ZNF516: variants seen among roughly 807,000 people sequenced by gnomAD.
ZNF516 encodes the protein zinc finger protein 516.
A neutral mutation model predicts 79.7 loss-of-function variants in ZNF516; 19 were observed. The ratio of observed to expected loss-of-function variants is 0.24; its 90% CI spans 0.17 to 0.35. The LOEUF is 0.35. Ranked by LOEUF, ZNF516 falls within the 10% of genes least tolerant of loss-of-function variation. The probability of loss-of-function intolerance (pLI) is 1.00; values close to 1 mark genes in which losing one functional copy is unlikely to be tolerated. For missense variants in ZNF516, 1,678 were observed against 1,679.5 expected, an observed-to-expected ratio of 1.00 and a Z score of 0.02; for synonymous variants, 877 against 739.5, an observed-to-expected ratio of 1.19 and a Z score of -3.02.
chr18:76,452,819 G>A (rs1296223762), intron 2 of ZNF516, among the ~76,000 whole-genome samples: 1 of 152,126 alleles, frequency 6.6e-6, no homozygotes, highest in East Asian at 1.9e-4. Flanking sequence ...ATCTAATTAT[G>A]GATTACATTC....
rs376206155 is a variant in ZNF516, at chr18:76,480,492, C to T, written c.-272+14652G>A. The stretch of plus-strand genomic sequence containing the variant: ...ATATATATACACACACACATATACA[C>T]ATACACACACACACACACACACACA... On this transcript the variant is annotated intron_variant, in intron 1 of 6. Transcript: ENST00000443185. Among the ~76,000 whole-genome samples the T allele has an allele frequency of 7.8e-3, 883 of 112,858 alleles. 7 individuals are homozygous for T. Among genetic ancestry groups the T allele is most frequent in the Middle Eastern group, 0.054 (11 of 204 alleles). The allele number at this position is 112,858 out of a possible 152,430, so 74.0% of individuals were successfully genotyped here. A position where few individuals can be genotyped will look rare whatever the true frequency, so the allele number is the denominator to read the frequency against.
chr18:76,430,335 G>A (rs553967932), intron 3 of ZNF516, among the ~76,000 whole-genome samples: 11 of 152,204 alleles, frequency 7.2e-5, no homozygotes, highest in African/African-American at 1.4e-4. Flanking sequence ...CATGAGTCAC[G>A]TAGTAATCAA....
At chr18:76,450,709 G>A (rs143260010) in intron 2 of ZNF516, among the ~76,000 whole-genome samples, 67 of 152,236 alleles carry the variant, frequency 4.4e-4, no homozygotes, top group African/African-American at 1.5e-3. Context: ...AATCAGCAAC[G>A]CGGTGCAGGT....
chr18:76,371,434 C>T, intron 5 of ZNF516, 33 bp downstream of exon 5: 1 of 1,580,360 alleles, frequency 6.3e-7, no homozygotes, highest in Non-Finnish European at 8.6e-7. Context: ...TTCCTCTGCT[C>T]CCCTTGGGGA....
chr18:76,400,274 T>C (rs888868968), intron 3 of ZNF516, among the ~76,000 whole-genome samples: 4 of 152,176 alleles, frequency 2.6e-5, no homozygotes, highest in African/African-American at 4.8e-5. Context: ...AGGCTCACGG[T>C]GTTCACGACA....
chr18:76,406,017 C>T (rs909704727), intron 3 of ZNF516, among the ~76,000 whole-genome samples: 1 of 152,138 alleles, frequency 6.6e-6, no homozygotes, highest in Non-Finnish European at 1.5e-5. Flanking sequence ...ACACGGGAGG[C>T]GTGCTCAAGC....
At chr18:76,383,179 T>C (rs1002129655) in intron 3 of ZNF516, among the ~76,000 whole-genome samples, 2 of 151,834 alleles carry the variant, frequency 1.3e-5, no homozygotes, top group African/African-American at 4.8e-5. Flanking sequence ...GAGAGAAGCA[T>C]GACCACGAGT....
rs541955466 is a variant in ZNF516, at chr18:76,380,752, G to A, written c.1811-449C>T. On this transcript the variant is annotated intron_variant, in intron 3 of 6. Coordinates refer to ENST00000443185, the MANE Select transcript of ZNF516 (RefSeq NM_014643.4). ...AAGAAAACCAGAGAAGTTGGGTGGA[G>A]CCCACAGTCACAGAAGCAGGCTTGG... Among the ~76,000 whole-genome samples the A allele has an allele frequency of 3.3e-5, 5 of 152,310 alleles. No individual in the cohort carries two copies. In the South Asian group the frequency reaches 1.0e-3, roughly 32 times the overall value.
chr18:76,491,252 T>C (rs1398180680), intron 1 of ZNF516, among the ~76,000 whole-genome samples: 2 of 134,848 alleles, frequency 1.5e-5, no homozygotes, highest in African/African-American at 5.6e-5. Context: ...AGACCCCAGT[T>C]CCGGACCGGA....
intron 1 of ZNF516, among the ~76,000 whole-genome samples, chr18:76,477,538 G>C (rs1277736297): frequency 6.6e-6 from 1 of 152,130 alleles, no homozygotes; most frequent in Non-Finnish European, 1.5e-5. Flanking sequence ...GTTCTGTCCG[G>C]GGAAAAACAA....
rs1913880361 is a variant in ZNF516, at chr18:76,472,147, G to GCGTTGGTCA, written c.-271-9007_-271-9006insTGACCAACG. Among the ~76,000 whole-genome samples, 3 of 152,114 alleles carry GCGTTGGTCA rather than the reference G, an allele frequency of 2.0e-5. No homozygotes were observed. The South Asian group carries it at 6.2e-4, about 32-fold the overall frequency. On this transcript the variant is annotated intron_variant, in intron 1 of 6. Coordinates refer to ENST00000443185, the MANE Select transcript of ZNF516 (RefSeq NM_014643.4). ...AAACCTCCTGCCGGTCCCTTGGTCA[G>GCGTTGGTCA]CGTCCCTGGCCTGTGACGCTTCCTC...
At chr18:76,365,770 C>G (rs1387755824) in intron 6 of ZNF516, among the ~76,000 whole-genome samples, 1 of 152,220 alleles carries the variant, frequency 6.6e-6, no homozygotes, top group Non-Finnish European at 1.5e-5. Flanking sequence ...GATGCCCTCA[C>G]AGCTGGGCTC....
chr18:76,413,808 A>T (rs1475368438), intron 3 of ZNF516, among the ~76,000 whole-genome samples: 1 of 152,228 alleles, frequency 6.6e-6, no homozygotes, highest in Non-Finnish European at 1.5e-5. Flanking sequence ...GGTGAACAAG[A>T]AAAATCTTCA....
chr18:76,412,521 C>T (rs748936272), intron 3 of ZNF516, among the ~76,000 whole-genome samples: 3 of 152,158 alleles, frequency 2.0e-5, no homozygotes, highest in Non-Finnish European at 4.4e-5. Flanking sequence ...ACCCACCTGG[C>T]GATCAGCAGG....
intron 6 of ZNF516, among the ~76,000 whole-genome samples, chr18:76,370,076 C>T (rs755530986): frequency 6.6e-6 from 1 of 152,200 alleles, no homozygotes; most frequent in Non-Finnish European, 1.5e-5. Context: ...CCTTGCCAGT[C>T]GTGTTCGTAA....
At chr18:76,440,544 AAGT>A (rs1245128589) in intron 3 of ZNF516, among the ~76,000 whole-genome samples, 1 of 152,264 alleles carries the variant, frequency 6.6e-6, no homozygotes, top group Non-Finnish European at 1.5e-5. Context: ...AATTTATAGA[AAGT>A]AGGAGAATTA....
chr18:76,386,995 G>A (rs143601368), intron 3 of ZNF516: 16 of 152,208 alleles, frequency 1.1e-4, no homozygotes, highest in East Asian at 3.9e-4. Context: ...CTGATCTCTC[G>A]GCGCTGGCTG....
chr18:76,395,004 C>T (rs372005943), intron 3 of ZNF516, among the ~76,000 whole-genome samples: 6 of 152,280 alleles, frequency 3.9e-5, no homozygotes, highest in African/African-American at 9.6e-5. Context: ...AACTCAGTCC[C>T]GATTCCAACT....
intron 3 of ZNF516, among the ~76,000 whole-genome samples, chr18:76,406,103 G>A (rs1047843734): frequency 5.3e-5 from 8 of 152,190 alleles, no homozygotes; most frequent in African/African-American, 1.2e-4. Flanking sequence ...GATGGCACAC[G>A]GGACACCCTG....
Sources: gnomAD v4.1 joint callset for allele counts (sites outside exome capture counted in the v4.1 genomes callset) on GRCh38, gnomAD v4.1.1 for gene constraint, MANE v1.5 for transcripts, NCBI Gene and HGNC (gene_info 2026-07-23, HGNC 2026-07-21) for gene names.